The following PDS5B variants were observed in gnomAD, a reference collection of about 807,000 sequenced individuals.
PDS5B encodes the protein sister chromatid cohesion protein PDS5 homolog B.
PDS5B carries 51 observed loss-of-function variants against 184.1 expected under a neutral mutation model. The ratio of observed to expected loss-of-function variants is 0.28; its 90% confidence interval spans 0.22 to 0.35. The LOEUF (loss-of-function observed/expected upper bound fraction) is 0.35. Ranked by LOEUF, PDS5B falls within the 10% of genes least tolerant of loss-of-function variation. The pLI, the probability that PDS5B is intolerant of heterozygous loss-of-function variation, is 1.00. For missense variants in PDS5B, 1,180 were observed against 1,723.3 expected, an observed-to-expected ratio of 0.68 and a Z score of 5.58; for synonymous variants, 566 against 569.2, an observed-to-expected ratio of 0.99 and a Z score of 0.08.
At chr13:32,692,415 C>CTTTTT (rs1566334927) in intron 13 of PDS5B, among the ~76,000 whole-genome samples, 2 of 53,792 alleles carry the variant, frequency 3.7e-5, no homozygotes, top group African/African-American at 1.4e-4. Context: ...TCCAAAAAGC[C>CTTTTT]TTTTTTTTTT....
chr13:32,634,708 C>T (rs944668360), intron 1 of PDS5B, among the ~76,000 whole-genome samples: 24 of 151,712 alleles, frequency 1.6e-4, no homozygotes, highest in African/African-American at 3.6e-4. Flanking sequence ...CTCAGCCTCC[C>T]GAGTAGCGGG....
At position 32,741,157 on chromosome 13, in the gene PDS5B, T is replaced by C. The variant is rs1345467808; in HGVS notation, c.2475+9T>C. On this transcript the variant is annotated intron_variant, in intron 22 of 34. Transcript: ENST00000315596. Reference sequence around the variant, plus strand: ...CTGAGACAATGGTCAAAGTGAGTAATGTGCATAGATCTATTGATTTTAATA... The same window carrying C: ...CTGAGACAATGGTCAAAGTGAGTAACGTGCATAGATCTATTGATTTTAATA... The C allele has an allele frequency of 1.4e-6, 2 of 1,391,968 alleles. No individual in the cohort carries two copies. The highest frequency in any genetic ancestry group is 2.0e-6 in the Non-Finnish European group (2 of 988,492). The allele number at this position is 1,391,968 out of a possible 1,614,324, so 86.2% of individuals were successfully genotyped here.
intron 7 of PDS5B, among the ~76,000 whole-genome samples, chr13:32,671,729 G>T (rs1174013855): frequency 6.6e-6 from 1 of 152,142 alleles, no homozygotes; most frequent in Non-Finnish European, 1.5e-5. Context: ...AAGCAGAAAA[G>T]ACATAGAAAT....
intron 8 of PDS5B, among the ~76,000 whole-genome samples, chr13:32,674,558 C>G (rs1384560170): frequency 6.6e-6 from 1 of 151,278 alleles, no homozygotes; most frequent in East Asian, 1.9e-4. Flanking sequence ...ATGCATGTTC[C>G]TACACACTAT....
chr13:32,720,273 C>T (rs1243968220), intron 19 of PDS5B, among the ~76,000 whole-genome samples: 5 of 151,534 alleles, frequency 3.3e-5, no homozygotes, highest in Non-Finnish European at 7.4e-5. Flanking sequence ...GTGATGCAAC[C>T]AGTATTAGTT....
chr13:32,643,475 A>G (rs1403818572), intron 1 of PDS5B, among the ~76,000 whole-genome samples: 2 of 152,124 alleles, frequency 1.3e-5, no homozygotes, highest in Admixed American at 6.5e-5. Flanking sequence ...AGAACTTTTT[A>G]TTGTATTCTC....
At chr13:32,730,557 A>G (rs1467026584) in intron 19 of PDS5B, among the ~76,000 whole-genome samples, 1 of 152,108 alleles carries the variant, frequency 6.6e-6, no homozygotes, top group African/African-American at 2.4e-5. Context: ...TTTTCACGAC[A>G]TTGGTTCTTC....
chr13:32,705,552 C>T (rs1321113154), intron 17 of PDS5B, among the ~76,000 whole-genome samples: 1 of 152,082 alleles, frequency 6.6e-6, no homozygotes, highest in African/African-American at 2.4e-5. Context: ...TTTTAAGGAA[C>T]ATTGAATAAT....
chr13:32,597,662 A>G (rs952845762), intron 1 of PDS5B, among the ~76,000 whole-genome samples: 1 of 151,910 alleles, frequency 6.6e-6, no homozygotes, highest in African/African-American at 2.4e-5. Flanking sequence ...CCTGGCTAAC[A>G]TGGTGAAACC....
intron 23 of PDS5B, among the ~76,000 whole-genome samples, chr13:32,744,722 A>G (rs1262590593): frequency 1.3e-5 from 2 of 152,168 alleles, no homozygotes; most frequent in African/African-American, 2.4e-5. Context: ...GCTACTTGGA[A>G]TATTGTTGTT....
At chr13:32,587,235 G>C (rs1358708342) in intron 1 of PDS5B, among the ~76,000 whole-genome samples, 1 of 151,498 alleles carries the variant, frequency 6.6e-6, no homozygotes, top group Non-Finnish European at 1.5e-5. Context: ...GGCTGAGCGT[G>C]ACATTTTTGC....
chr13:32,669,066 C>T lies in PDS5B; in HGVS notation c.705+1222C>T, dbSNP rs549452193. On this transcript the variant is annotated intron_variant, in intron 7 of 34. Transcript: ENST00000315596. ...CTGGTTTCTGCAGTTTTGTAAGTTA[C>T]GGGTACTGGCTGAAATAAATTGGTT... Among the ~76,000 whole-genome samples, 299 of 152,232 alleles carry T rather than the reference C, an allele frequency of 2.0e-3. 1 individual carries two copies. Among genetic ancestry groups the T allele is most frequent in the Non-Finnish European group, 3.3e-3 (221 of 67,994 alleles).
intron 19 of PDS5B, among the ~76,000 whole-genome samples, chr13:32,731,461 A>G (rs1376962414): frequency 6.6e-6 from 1 of 152,026 alleles, no homozygotes; most frequent in African/African-American, 2.4e-5. Flanking sequence ...TAAAATTGTA[A>G]TTCTCTTATA....
rs117001487 is a variant in PDS5B, at chr13:32,695,726, A to G, written c.1552-1128A>G. Among the ~76,000 whole-genome samples, 329 of 152,170 alleles carry G rather than the reference A, an allele frequency of 2.2e-3. 1 individual carries two copies. The highest frequency in any genetic ancestry group is 3.2e-3 in the Non-Finnish European group (215 of 67,908). Reference sequence around the variant, plus strand: ...TGTTTTTGATTCTCACTGTTCCTCTAAAATTTATGTATTTAGTTGGAGCTT... The same window carrying G: ...TGTTTTTGATTCTCACTGTTCCTCTGAAATTTATGTATTTAGTTGGAGCTT... On this transcript the variant is annotated intron_variant, in intron 14 of 34. Transcript: ENST00000315596.
intron 1 of PDS5B, among the ~76,000 whole-genome samples, chr13:32,597,718 G>A (rs2057900966): frequency 6.6e-6 from 1 of 151,774 alleles, no homozygotes; most frequent in Non-Finnish European, 1.5e-5. Flanking sequence ...ATGGTGGTGT[G>A]CATCTGTAGT....
At chr13:32,612,406 T>C (rs1203358714) in intron 1 of PDS5B, among the ~76,000 whole-genome samples, 3 of 152,174 alleles carry the variant, frequency 2.0e-5, no homozygotes. Context: ...TTAGGTATAA[T>C]TTACATATCG....
At chr13:32,730,144 A>G (rs1282940192) in intron 19 of PDS5B, among the ~76,000 whole-genome samples, 1 of 152,200 alleles carries the variant, frequency 6.6e-6, no homozygotes, top group Non-Finnish European at 1.5e-5. Context: ...GAAGGGGTCA[A>G]GTTTCAGTTT....
chr13:32,716,243 T>C (rs1256586904), intron 19 of PDS5B, among the ~76,000 whole-genome samples: 1 of 150,646 alleles, frequency 6.6e-6, no homozygotes, highest in Non-Finnish European at 1.5e-5. Flanking sequence ...CGCCATCCCA[T>C]CTAGGAAGTG....
intron 9 of PDS5B, among the ~76,000 whole-genome samples, chr13:32,676,947 A>AAG: frequency 6.6e-6 from 1 of 151,726 alleles, no homozygotes; most frequent in South Asian, 2.1e-4. Context: ...AAAAAAAAAA[A>AAG]AAAAAAAAAG....
Sources: allele counts gnomAD v4.1 joint callset (sites outside exome capture counted in the v4.1 genomes callset), GRCh38; gene constraint gnomAD v4.1.1; transcripts MANE v1.5; gene names NCBI Gene and HGNC (gene_info 2026-07-23, HGNC 2026-07-21).